Variants in BAZ1B observed in about 807,000 individuals in gnomAD.
The protein encoded by BAZ1B is bromodomain adjacent to zinc finger domain 1B.
Under a neutral mutation model 153.8 loss-of-function variants are expected in BAZ1B, and 22 were observed. That is an observed-to-expected ratio of 0.14 (90% CI 0.10 to 0.20). The LOEUF is 0.20. Among genes scored for constraint, BAZ1B ranks in the 10% least tolerant of loss-of-function variants. The pLI, the probability that BAZ1B is intolerant of heterozygous loss-of-function variation, is 1.00. For synonymous variants in BAZ1B, 676 were observed against 633.4 expected, an observed-to-expected ratio of 1.07 and a Z score of -1.01; for missense variants, 1,325 against 1,799.3, an observed-to-expected ratio of 0.74 and a Z score of 4.77.
At chr7:73,518,408 G>A (rs561933744) in intron 1 of BAZ1B, among the ~76,000 whole-genome samples, 8 of 150,086 alleles carry the variant, frequency 5.3e-5, no homozygotes, top group East Asian at 2.0e-4. Flanking sequence ...GCGAGACTCC[G>A]TCTCAAAAAA....
intron 1 of BAZ1B, among the ~76,000 whole-genome samples, chr7:73,518,738 T>C (rs1172171099): frequency 6.6e-6 from 1 of 152,166 alleles, no homozygotes; most frequent in Non-Finnish European, 1.5e-5. Context: ...AAACATGCTC[T>C]AGTCACACTT....
At chr7:73,468,221 C>T (rs113083227) in intron 9 of BAZ1B, among the ~76,000 whole-genome samples, 14 of 152,268 alleles carry the variant, frequency 9.2e-5, no homozygotes, top group African/African-American at 3.4e-4. Flanking sequence ...CTGAAAGAAG[C>T]TTATGGATCA....
chr7:73,500,043 G>C (rs1790063067), intron 3 of BAZ1B, among the ~76,000 whole-genome samples: 1 of 151,812 alleles, frequency 6.6e-6, no homozygotes, highest in Non-Finnish European at 1.5e-5. Context: ...TGAACTTCTG[G>C]GCTCAAGCAA....
chr7:73,511,269 A>G (rs1790566696), intron 1 of BAZ1B, among the ~76,000 whole-genome samples: 1 of 152,048 alleles, frequency 6.6e-6, no homozygotes, highest in Admixed American at 6.6e-5. Flanking sequence ...CCGTCTCAAA[A>G]ACTAAAAAAA....
intron 3 of BAZ1B, chr7:73,507,170 G>GC (rs2116444446): frequency 6.6e-6 from 1 of 152,062 alleles, no homozygotes; most frequent in East Asian, 2.0e-4. Flanking sequence ...GAGCTACCAC[G>GC]CCCGGCCTGC....
intron 6 of BAZ1B, among the ~76,000 whole-genome samples, chr7:73,487,705 ACT>A (rs1280401443): frequency 1.3e-5 from 2 of 152,194 alleles, no homozygotes; most frequent in Non-Finnish European, 2.9e-5. Context: ...ATGGTTCCAA[ACT>A]CTGTGGCAAC....
intron 13 of BAZ1B, among the ~76,000 whole-genome samples, chr7:73,456,118 A>C (rs1296631903): frequency 1.3e-5 from 2 of 152,232 alleles, no homozygotes; most frequent in Non-Finnish European, 2.9e-5. Context: ...GAAAAAAATG[A>C]AGCTGAAGCC....
intron 6 of BAZ1B, among the ~76,000 whole-genome samples, chr7:73,488,469 C>T (rs1268087429): frequency 6.6e-6 from 1 of 152,080 alleles, no homozygotes; most frequent in Non-Finnish European, 1.5e-5. Context: ...TGGTGGCTCA[C>T]ATCTGTAATC....
At chr7:73,519,131 TAA>T (rs1256227108) in intron 1 of BAZ1B, among the ~76,000 whole-genome samples, 4 of 152,322 alleles carry the variant, frequency 2.6e-5, no homozygotes, top group African/African-American at 7.2e-5. Flanking sequence ...CAACTTCCAC[TAA>T]GTTTAATGAA....
At chr7:73,462,361 G>A (rs1788425071) in intron 12 of BAZ1B, 1 of 154,916 alleles carries the variant, frequency 6.5e-6, no homozygotes. Context: ...GTTTATAATA[G>A]TAATTGATGG....
Position 73,521,981 on chromosome 7 carries a change from G to GCGCA in BAZ1B, c.-52_-49dup. On this transcript the variant is annotated 5_prime_UTR_variant, in exon 1 of 20. Transcript: ENST00000339594. ...GGCGGCTGCTGGGGCCGGCCCCGCG[G>GCGCA]CGCAGCACTAGGCCCCGCGGCCCGG... 6.8e-6 allele frequency: 9 copies of GCGCA among 1,317,490 alleles called. No individual in the cohort carries two copies. Among genetic ancestry groups the GCGCA allele is most frequent in the Non-Finnish European group, 8.8e-6 (9 of 1,025,940 alleles). 81.6% of individuals were successfully genotyped at this position (1,317,490 alleles called of 1,614,324 possible).
intron 4 of BAZ1B, among the ~76,000 whole-genome samples, chr7:73,497,081 A>AAAAAAAAAAAAAAAAAAC (rs1242807439): frequency 5.3e-5 from 8 of 150,544 alleles, no homozygotes; most frequent in African/African-American, 1.7e-4. Flanking sequence ...AAAAAAAAAA[A>AAAAAAAAAAAAAAAAAAC]AACCTACAAA....
intron 13 of BAZ1B, among the ~76,000 whole-genome samples, chr7:73,455,439 T>C (rs1378810290): frequency 1.3e-5 from 2 of 152,210 alleles, no homozygotes; most frequent in Non-Finnish European, 2.9e-5. Context: ...ATGGAGCTGC[T>C]AGTTATTCTA....
chr7:73,498,739 C>A (rs148312260), intron 3 of BAZ1B, 41 bp from the exon 4 acceptor site: 2 of 1,555,450 alleles, frequency 1.3e-6, no homozygotes, highest in African/African-American at 2.7e-5. Flanking sequence ...ATAATAAACA[C>A]CCAGAAACCT....
At chr7:73,496,002 A>T (rs1789864441) in intron 4 of BAZ1B, among the ~76,000 whole-genome samples, 2 of 152,186 alleles carry the variant, frequency 1.3e-5, no homozygotes, top group Admixed American at 6.6e-5. Flanking sequence ...CTTGAACTTA[A>T]ACGTTAAAAA....
At chr7:73,507,589 A>T (rs577641110) in intron 3 of BAZ1B, among the ~76,000 whole-genome samples, 1 of 152,312 alleles carries the variant, frequency 6.6e-6, no homozygotes, top group Admixed American at 6.5e-5. Context: ...AAAACCAAAA[A>T]GACAAAATAA....
At chr7:73,464,128 C>T (rs1259155353) in intron 11 of BAZ1B, 1 of 983,382 alleles carries the variant, frequency 1.0e-6, no homozygotes, top group Non-Finnish European at 1.2e-6. Flanking sequence ...ACCTATTGTC[C>T]TTCGCAAAAG....
At chr7:73,499,760 T>C (rs1554576885) in intron 3 of BAZ1B, among the ~76,000 whole-genome samples, 5 of 152,248 alleles carry the variant, frequency 3.3e-5, no homozygotes, top group Non-Finnish European at 7.3e-5. Flanking sequence ...ACTCATTTTT[T>C]TCATTATAAA....
At chr7:73,507,809 A>G (rs1156800239) in intron 3 of BAZ1B, among the ~76,000 whole-genome samples, 1 of 152,186 alleles carries the variant, frequency 6.6e-6, no homozygotes, top group Non-Finnish European at 1.5e-5. Flanking sequence ...GGCTACATAC[A>G]GTGAGCTATG....
Sources: allele counts gnomAD v4.1 joint callset (sites outside exome capture counted in the v4.1 genomes callset), GRCh38; gene constraint gnomAD v4.1.1; transcripts MANE v1.5; gene names NCBI Gene and HGNC (gene_info 2026-07-23, HGNC 2026-07-21).